CCDC178: variants seen among roughly 807,000 people sequenced by gnomAD.
CCDC178 encodes coiled-coil domain containing 178, also known as coiled-coil domain-containing protein 178.
A neutral mutation model predicts 117.4 loss-of-function variants in CCDC178; 126 were observed. The ratio of observed to expected loss-of-function variants is 1.07; its 90% CI spans 0.93 to 1.24. CCDC178 has a LOEUF of 1.24. Among genes scored for constraint, CCDC178 ranks in the 50% most tolerant of loss-of-function variants. The probability of loss-of-function intolerance (pLI) is 0.00; values close to 1 mark genes in which losing one functional copy is unlikely to be tolerated. For synonymous variants in CCDC178, 283 were observed against 313.4 expected (o/e 0.90, Z 1.02); for missense variants, 1,030 against 986.9 (o/e 1.04, Z -0.59).
At chr18:33,045,937 A>G (rs2144909385) in intron 21 of CCDC178, among the ~76,000 whole-genome samples, 1 of 152,202 alleles carries the variant, frequency 6.6e-6, no homozygotes, top group South Asian at 2.1e-4. Context: ...GTGTGGTGGC[A>G]CCCACCTATT....
intron 20 of CCDC178, among the ~76,000 whole-genome samples, chr18:33,108,727 C>T (rs1237288060): frequency 4.6e-5 from 7 of 151,556 alleles, no homozygotes; most frequent in Non-Finnish European, 8.9e-5. Context: ...CTGTTAGGTA[C>T]AAAAGTCTCT....
In CCDC178 at chr18:33,370,173, A is replaced by G; in HGVS notation, c.225T>C (p.Ile75=). Residue 75 remains isoleucine, a synonymous_variant, in exon 6 of 23, where the codon ATT becomes ATC. Coordinates refer to ENST00000383096, the MANE Select transcript of CCDC178 (RefSeq NM_001105528.4). ...MTNTEGVNKG[I]YFSYPCRRHS... is the part of the protein sequence containing the mutation. ...GACGTCGACATGGGTAGCTAAAGTA[A>G]ATGCCTTTATTCACCCCTAAAGAGA... 1 of 1,602,990 alleles carries G rather than the reference A, an allele frequency of 6.2e-7. No individual in the cohort carries two copies. The highest frequency in any genetic ancestry group is 8.5e-7 in the Non-Finnish European group (1 of 1,175,218).
In CCDC178 at chr18:33,215,674, T is replaced by TA; in HGVS notation, c.1953dup (p.Lys652Ter). The TA allele has an allele frequency of 6.5e-7, 1 of 1,530,770 alleles. No homozygotes were observed. Among genetic ancestry groups the TA allele is most frequent in the Non-Finnish European group, 8.7e-7 (1 of 1,147,052 alleles). The allele number at this position is 1,530,770 out of a possible 1,614,324, so 94.8% of individuals were successfully genotyped here. ...TTACTTTTAGTTGCTTCTAGGTCTT[T>TA]AAAAATTGCTGAGCGTTTACTCTGA... On this transcript the variant is annotated frameshift_variant, in exon 19 of 23. Transcript: ENST00000383096. LOFTEE classifies it high-confidence loss of function.
intron 21 of CCDC178, among the ~76,000 whole-genome samples, chr18:33,058,246 A>G (rs1435398194): frequency 6.6e-6 from 1 of 152,232 alleles, no homozygotes; most frequent in African/African-American, 2.4e-5. Flanking sequence ...GAAACAACAT[A>G]AATGTCCATC....
At chr18:33,335,881 T>C (rs1664672060) in intron 9 of CCDC178, among the ~76,000 whole-genome samples, 1 of 152,110 alleles carries the variant, frequency 6.6e-6, no homozygotes, top group Non-Finnish European at 1.5e-5. Flanking sequence ...TCTTCATGTG[T>C]TTTATGATAT....
intron 2 of CCDC178, among the ~76,000 whole-genome samples, chr18:33,424,715 C>T (rs575523173): frequency 2.6e-5 from 4 of 152,288 alleles, no homozygotes; most frequent in East Asian, 3.9e-4. Flanking sequence ...GAGAGGCTGA[C>T]GTGCAGGCAT....
chr18:33,279,952 A>G (rs1447633333), intron 12 of CCDC178, among the ~76,000 whole-genome samples: 1 of 152,054 alleles, frequency 6.6e-6, no homozygotes. Context: ...AAAATTAATT[A>G]AAGACGGATT....
intron 21 of CCDC178, among the ~76,000 whole-genome samples, chr18:33,044,503 T>C (rs776139996): frequency 1.3e-5 from 2 of 151,448 alleles, no homozygotes; most frequent in South Asian, 4.1e-4. Flanking sequence ...ATGACTATTA[T>C]TAAAAAAACA....
At chr18:33,365,522 AT>A (rs1349726924) in intron 6 of CCDC178, among the ~76,000 whole-genome samples, 1 of 152,098 alleles carries the variant, frequency 6.6e-6, no homozygotes, top group Admixed American at 6.6e-5. Context: ...TTTCTATCTA[AT>A]AAGGTTTTAA....
At chr18:33,126,637 G>C (rs1188218239) in intron 20 of CCDC178, among the ~76,000 whole-genome samples, 3 of 151,550 alleles carry the variant, frequency 2.0e-5, no homozygotes, top group Admixed American at 6.6e-5. Flanking sequence ...TTCATGTCTT[G>C]CAAGTACTGA....
At chr18:33,436,902 T>C (rs75829906) in intron 2 of CCDC178, among the ~76,000 whole-genome samples, 4,155 of 152,288 alleles carry the variant, frequency 0.027, 208 homozygotes, top group African/African-American at 0.095. Flanking sequence ...GCTAAGAGCA[T>C]CTGCGTGACC....
intron 20 of CCDC178, among the ~76,000 whole-genome samples, chr18:33,128,626 A>T (rs156369): frequency 0.16 from 24,426 of 152,040 alleles, 2,737 homozygotes; most frequent in African/African-American, 0.32. Flanking sequence ...TTGCCTTTTT[A>T]TTTAATTACT....
intron 11 of CCDC178, among the ~76,000 whole-genome samples, chr18:33,305,891 A>G (rs955809409): frequency 1.3e-5 from 2 of 152,106 alleles, no homozygotes; most frequent in Non-Finnish European, 2.9e-5. Context: ...TAAGACACCT[A>G]GGGGAGACTG....
chr18:33,245,381 A>G lies in CCDC178; in HGVS notation c.1457T>C (p.Ile486Thr). The change falls in exon 15 of 23, where the codon ATA (isoleucine) becomes ACA (threonine). Residue 486 changes from isoleucine to threonine, a missense_variant. Transcript: ENST00000383096. Reference sequence around the variant, plus strand: ...ATGTTTATCATTCTTTAACTTCATTATTGTCAAATATTTTATTTCAGATTC... The same window carrying G: ...ATGTTTATCATTCTTTAACTTCATTGTTGTCAAATATTTTATTTCAGATTC... ...KYESEIKYLT[I>T]MKLKNDKHLK... 6.3e-7 allele frequency: 1 copy of G among 1,584,840 alleles called. No homozygotes were observed. The highest frequency in any genetic ancestry group is 1.2e-5 in the South Asian group (1 of 84,086).
At chr18:33,308,430 C>A (rs1014899123) in intron 11 of CCDC178, among the ~76,000 whole-genome samples, 27 of 152,282 alleles carry the variant, frequency 1.8e-4, no homozygotes, top group Admixed American at 1.5e-3. Context: ...TAGGGAGTAA[C>A]TAACTTGCTT....
intron 20 of CCDC178, among the ~76,000 whole-genome samples, chr18:33,154,953 C>T (rs2058377748): frequency 6.6e-6 from 1 of 151,992 alleles, no homozygotes; most frequent in Non-Finnish European, 1.5e-5. Context: ...ACCTCTTGTC[C>T]AGTAATTGAT....
intron 12 of CCDC178, 40 bp downstream of exon 12, chr18:33,293,119 C>G (rs201399593): frequency 7.2e-7 from 1 of 1,397,258 alleles, no homozygotes; most frequent in South Asian, 1.4e-5. Context: ...TAACTCAAAA[C>G]AAAAATCAGT....
At chr18:33,088,166 C>T (rs2057410590) in intron 21 of CCDC178, among the ~76,000 whole-genome samples, 1 of 151,484 alleles carries the variant, frequency 6.6e-6, no homozygotes, top group South Asian at 2.1e-4. Context: ...GATAAGGTGG[C>T]ACATTTCTAT....
chr18:33,017,505 G>T (rs1040353185), intron 21 of CCDC178, among the ~76,000 whole-genome samples: 2 of 151,884 alleles, frequency 1.3e-5, no homozygotes, highest in African/African-American at 2.4e-5. Flanking sequence ...TGTTAACATG[G>T]CAATACTTCC....
Sources: gnomAD v4.1 joint callset for allele counts (sites outside exome capture counted in the v4.1 genomes callset) on GRCh38, gnomAD v4.1.1 for gene constraint, MANE v1.5 for transcripts, NCBI Gene and HGNC (gene_info 2026-07-23, HGNC 2026-07-21) for gene names.